The following CFAP99 variants were observed in gnomAD, a reference collection of about 807,000 sequenced individuals.
CFAP99 encodes the protein cilia- and flagella-associated protein 99.
In CFAP99, 84 loss-of-function variants were observed where a neutral mutation model predicts 82.7. The ratio of observed to expected loss-of-function variants is 1.02; its 90% CI spans 0.85 to 1.22. The LOEUF is 1.22. Ranked by LOEUF, CFAP99 falls within the 50% of genes most tolerant of loss-of-function variation. CFAP99 has a pLI of 0.00. For missense variants in CFAP99, 1,059 were observed against 983.5 expected (o/e 1.08, Z -1.03); for synonymous variants, 456 against 429.5 (o/e 1.06, Z -0.76).
chr4:2,460,156 C>A, exon 14 of CFAP99: 2 of 1,536,106 alleles, frequency 1.3e-6, no homozygotes, highest in South Asian at 1.2e-5. Flanking sequence ...TCATTCAGGG[C>A]AAGCACACCA....
intron 1 of CFAP99, among the ~76,000 whole-genome samples, chr4:2,425,446 G>C (rs1733663329): frequency 6.6e-6 from 1 of 152,142 alleles, no homozygotes; most frequent in Non-Finnish European, 1.5e-5. Context: ...TTTTTAGTCA[G>C]TCCCCAGCCT....
chr4:2,447,466 T>C (rs1734190365), intron 6 of CFAP99, among the ~76,000 whole-genome samples: 1 of 149,676 alleles, frequency 6.7e-6, no homozygotes, highest in South Asian at 2.1e-4. Flanking sequence ...GATGAATGGA[T>C]GAGTAGAGGG....
intron 2 of CFAP99, among the ~76,000 whole-genome samples, chr4:2,434,875 T>C (rs1235578059): frequency 1.3e-5 from 2 of 152,216 alleles, no homozygotes; most frequent in Non-Finnish European, 2.9e-5. Flanking sequence ...GGCGTGGGAA[T>C]GGCCCTATTT....
chr4:2,458,085 C>A (rs944184301), intron 11 of CFAP99, among the ~76,000 whole-genome samples: 1 of 152,218 alleles, frequency 6.6e-6, no homozygotes, highest in South Asian at 2.1e-4. Flanking sequence ...TCTGCACTCC[C>A]GGCCTGAGGC....
chr4:2,456,761 T>C (rs1734445745), intron 11 of CFAP99, among the ~76,000 whole-genome samples: 2 of 151,144 alleles, frequency 1.3e-5, no homozygotes, highest in Admixed American at 1.3e-4. Context: ...TCAGGTGATC[T>C]GCCTGCCTCG....
downstream of CFAP99, chr4:2,462,950 G>A: frequency 8.1e-7 from 1 of 1,227,368 alleles, no homozygotes; most frequent in Non-Finnish European, 1.0e-6. The surrounding 1 kb of genome is among the most constrained non-coding windows in gnomAD (Gnocchi z 4.1). Context: ...CGCCCCACCC[G>A]CTTGCGGGCC....
intron 1 of CFAP99, among the ~76,000 whole-genome samples, chr4:2,423,078 TGA>T (rs1448719148): frequency 6.6e-6 from 1 of 152,204 alleles, no homozygotes; most frequent in Non-Finnish European, 1.5e-5. Flanking sequence ...TTGTGAGCTG[TGA>T]GCTCACTGCC....
intron 11 of CFAP99, among the ~76,000 whole-genome samples, chr4:2,455,489 A>G (rs1734406840): frequency 2.0e-5 from 3 of 151,740 alleles, no homozygotes; most frequent in Non-Finnish European, 4.4e-5. Context: ...CCTGGCCAAC[A>G]TGGTGAAACC....
intron 8 of CFAP99, among the ~76,000 whole-genome samples, 183 bp from the exon 9 acceptor site, chr4:2,450,763 TG>T: frequency 6.6e-6 from 1 of 152,086 alleles, no homozygotes; most frequent in African/African-American, 2.4e-5. Flanking sequence ...CAGCAAGGCT[TG>T]GGGGGCATTG....
At chr4:2,428,111 C>G (rs936009435) in intron 2 of CFAP99, 1 of 152,822 alleles carries the variant, frequency 6.5e-6, no homozygotes. Flanking sequence ...CCACACTCCT[C>G]TTCCCAGCTA....
intron 11 of CFAP99, among the ~76,000 whole-genome samples, chr4:2,455,961 G>A (rs146240607): frequency 2.7e-3 from 408 of 152,190 alleles, no homozygotes; most frequent in Non-Finnish European, 2.9e-3. Context: ...ACCACAACCC[G>A]ACGCATGGGC....
exon 9 of CFAP99, chr4:2,450,973 G>A: frequency 6.5e-7 from 1 of 1,536,028 alleles, no homozygotes; most frequent in Non-Finnish European, 8.7e-7. Context: ...TGCGGCTTCA[G>A]TTCCCACCCC....
intron 11 of CFAP99, among the ~76,000 whole-genome samples, chr4:2,454,581 C>CTTTTTTTTTTTTTCTT (rs200727697): frequency 6.3e-5 from 6 of 94,716 alleles, no homozygotes; most frequent in Non-Finnish European, 1.1e-4. Context: ...TGTTTTTTTT[C>CTTTTTTTTTTTTTCTT]TTTTTTTTTT....
rs1734258222 is a variant in CFAP99, at chr4:2,449,765, ACCCCTGCCTT to A, written c.723+18_723+27del. On this transcript the variant is annotated intron_variant, in intron 7 of 14. Coordinates refer to ENST00000635017, the Ensembl canonical transcript of CFAP99. Reference sequence around the variant, plus strand: ...GAAAGGCCGAGGTGAGCTGTGTGCGACCCCTGCCTTCCTAGAGACCCCATATGAGGGATGT... The same window carrying A: ...GAAAGGCCGAGGTGAGCTGTGTGCGACCTAGAGACCCCATATGAGGGATGT... 6.5e-7 allele frequency: 1 copy of A among 1,535,722 alleles called. No homozygotes were observed. Among genetic ancestry groups the A allele is most frequent in the African/African-American group, 1.4e-5 (1 of 72,932 alleles).
At chr4:2,451,289 A>C in exon 10 of CFAP99, 1 of 1,536,062 alleles carries the variant, frequency 6.5e-7, no homozygotes, top group Non-Finnish European at 8.7e-7. Context: ...GTCAAGCTGA[A>C]CACCACAGCC....
At chr4:2,439,688 A>C (rs965604445) in intron 4 of CFAP99, among the ~76,000 whole-genome samples, 1 of 152,210 alleles carries the variant, frequency 6.6e-6, no homozygotes, top group African/African-American at 2.4e-5. Flanking sequence ...CCTTCATTTT[A>C]ATGAAAAAGC....
At chr4:2,451,424 C>A (rs1734299201) in intron 10 of CFAP99, 72 bp downstream of exon 10, 3 of 1,454,178 alleles carry the variant, frequency 2.1e-6, no homozygotes, top group African/African-American at 2.8e-5. Context: ...AGAGGAGGGG[C>A]CTGGGGGCTG....
intron 6 of CFAP99, among the ~76,000 whole-genome samples, chr4:2,449,390 A>G (rs1409028535): frequency 6.6e-6 from 1 of 152,012 alleles, no homozygotes; most frequent in Non-Finnish European, 1.5e-5. Context: ...GGCCGATGGT[A>G]CGCCCTCAGT....
intron 11 of CFAP99, among the ~76,000 whole-genome samples, chr4:2,453,654 T>C (rs987639204): frequency 1.0e-4 from 3 of 29,226 alleles, no homozygotes; most frequent in Non-Finnish European, 1.8e-4. Flanking sequence ...CATATACATA[T>C]ATAAATGATT....
Sources: allele counts gnomAD v4.1 joint callset (sites outside exome capture counted in the v4.1 genomes callset), GRCh38; gene constraint gnomAD v4.1.1; non-coding constraint Gnocchi (gnomAD v3.1); transcripts MANE v1.5; gene names NCBI Gene and HGNC (gene_info 2026-07-23, HGNC 2026-07-21).